NF1: variants seen among roughly 807,000 people sequenced by gnomAD.
NF1 encodes the protein neurofibromin.
NF1 carries 122 observed loss-of-function variants against 325.7 expected under a neutral mutation model. That is an observed-to-expected ratio of 0.37 (90% CI 0.32 to 0.44). The LOEUF is 0.44. NF1 is among the 20% of genes least tolerant of loss of function. The pLI is 1.00. For synonymous variants in NF1, 1,091 were observed against 1,186.0 expected (o/e 0.92, Z 1.65); for missense variants, 2,140 against 3,415.4 (o/e 0.63, Z 9.31).
intron 8 of NF1, among the ~76,000 whole-genome samples, chr17:31,195,602 A>T (rs1228655269): frequency 6.6e-6 from 1 of 152,092 alleles, no homozygotes; most frequent in Non-Finnish European, 1.5e-5. Context: ...ACTACCTCAT[A>T]TAAGTGGACT....
In NF1 at chr17:31,217,697, G is replaced by A. The variant is rs9916081; in HGVS notation, c.1528-1308G>A. 7.7e-3 allele frequency among the ~76,000 whole-genome samples: 1,162 copies of A among 151,638 alleles called. 18 individuals carry two copies. The highest frequency in any genetic ancestry group is 0.027 in the African/African-American group (1,118 of 41,376). ...GGTAGGCATTCGGCAGGGCGTGGTC[G>A]CTCACATCTGTAATCCCAGCATGTT... On this transcript the variant is annotated intron_variant, in intron 13 of 57. Transcript: ENST00000358273.
chr17:31,184,666 A>AAAAAAT (rs1567828020), intron 8 of NF1, among the ~76,000 whole-genome samples: 15 of 140,562 alleles, frequency 1.1e-4, no homozygotes, highest in Admixed American at 1.4e-4. Flanking sequence ...AAAATAAAAA[A>AAAAAAT]AAAAAATAAA....
chr17:31,217,939 CAAAAAA>C (rs56382346), intron 13 of NF1, among the ~76,000 whole-genome samples: 9 of 116,772 alleles, frequency 7.7e-5, no homozygotes, highest in African/African-American at 2.3e-4. Context: ...CACTCCGTTT[CAAAAAA>C]AAAAAAAAAA....
At chr17:31,359,111 A>C in intron 56 of NF1, 96 bp downstream of exon 56, 1 of 1,022,860 alleles carries the variant, frequency 9.8e-7, no homozygotes, top group Non-Finnish European at 1.5e-6. Context: ...GCTGAAAACC[A>C]GAAAAATAAT....
At chr17:31,097,917 T>C (rs1162306401) in intron 1 of NF1, among the ~76,000 whole-genome samples, 4 of 152,066 alleles carry the variant, frequency 2.6e-5, no homozygotes, top group Non-Finnish European at 5.9e-5. Context: ...AGGCTGGTCT[T>C]GAACTCCTGA....
At chr17:31,155,844 G>A (rs1161384056) in intron 1 of NF1, 139 bp from the exon 2 acceptor site, 10 of 899,674 alleles carry the variant, frequency 1.1e-5, no homozygotes, top group Middle Eastern at 3.3e-4. Context: ...ATTGAAAATC[G>A]GAGTTTGAGA....
At chr17:31,230,108 T>G in intron 22 of NF1, 134 bp downstream of exon 22, 1 of 1,403,320 alleles carries the variant, frequency 7.1e-7, no homozygotes, top group Non-Finnish European at 1.0e-6. Flanking sequence ...GACAGTAAGG[T>G]AGCCAGAAGT....
At chr17:31,333,228 G>A (rs2069551916) in intron 39 of NF1, among the ~76,000 whole-genome samples, 1 of 152,210 alleles carries the variant, frequency 6.6e-6, no homozygotes. Context: ...TTTGGAAGTG[G>A]ATAACAAGAC....
chr17:31,244,930 A>G (rs188651206), intron 29 of NF1, among the ~76,000 whole-genome samples: 15 of 152,344 alleles, frequency 9.8e-5, no homozygotes, highest in Admixed American at 8.5e-4. Flanking sequence ...TTGAAAATCA[A>G]CTTGGGAAAA....
At position 31,124,576 on chromosome 17, in the gene NF1, A is replaced by G. The variant is rs535248903; in HGVS notation, c.60+29207A>G. 8.1e-5 allele frequency among the ~76,000 whole-genome samples: 10 copies of G among 124,104 alleles called. No individual in the cohort carries two copies. The East Asian group carries it at 9.0e-4, about 11-fold the overall frequency. The allele number at this position is 124,104 out of a possible 152,430, so 81.4% of individuals were successfully genotyped here. ...TTATAAACAATGCTTCAGGAAGCAT[A>G]TATTTGTATTCTTGAATTTTTTTTT... On this transcript the variant is annotated intron_variant, in intron 1 of 57. Coordinates refer to ENST00000358273, the MANE Select transcript of NF1 (RefSeq NM_001042492.3).
chr17:31,164,571 G>T (rs767380775), intron 4 of NF1, among the ~76,000 whole-genome samples: 2 of 152,198 alleles, frequency 1.3e-5, no homozygotes, highest in African/African-American at 2.4e-5. Context: ...TCTTTGGCTC[G>T]TCAGTGTTGT....
chr17:31,333,457 A>G (rs1317739959), intron 39 of NF1, among the ~76,000 whole-genome samples: 3 of 152,210 alleles, frequency 2.0e-5, no homozygotes, highest in Non-Finnish European at 1.5e-5. Context: ...GACATAGAAC[A>G]TTTCTAGCAT....
intron 1 of NF1, among the ~76,000 whole-genome samples, chr17:31,104,384 C>CGGAA (rs1232845979): frequency 3.3e-5 from 5 of 152,058 alleles, no homozygotes; most frequent in Non-Finnish European, 7.4e-5. Flanking sequence ...CAGGAGGTAT[C>CGGAA]GGAAGGCTCT....
At chr17:31,097,656 C>T (rs1911871100) in intron 1 of NF1, among the ~76,000 whole-genome samples, 1 of 151,802 alleles carries the variant, frequency 6.6e-6, no homozygotes, top group South Asian at 2.1e-4. Flanking sequence ...TTCTGCATTC[C>T]TTATGTTGTA....
chr17:31,217,904 G>A (rs1055314413), intron 13 of NF1, among the ~76,000 whole-genome samples: 1 of 144,692 alleles, frequency 6.9e-6, no homozygotes, highest in Non-Finnish European at 1.5e-5. Flanking sequence ...GGCAGAGGTT[G>A]CAGTGAGCCG....
At chr17:31,262,784 A>AT (rs989952114) in intron 35 of NF1, among the ~76,000 whole-genome samples, 7 of 152,158 alleles carry the variant, frequency 4.6e-5, no homozygotes, top group Non-Finnish European at 7.4e-5. Flanking sequence ...GCTCTACTAG[A>AT]TTTTTTTTAG....
At chr17:31,202,314 A>G (rs2066544481) in intron 11 of NF1, among the ~76,000 whole-genome samples, 1 of 152,346 alleles carries the variant, frequency 6.6e-6, no homozygotes, top group African/African-American at 2.4e-5. Context: ...AATCATTGAT[A>G]ACTTAGTATA....
chr17:31,229,199 A>T lies in NF1; in HGVS notation c.2584A>T (p.Thr862Ser). 1 of 1,612,008 alleles carries T rather than the reference A, an allele frequency of 6.2e-7. No homozygotes were observed. Among genetic ancestry groups the T allele is most frequent in the South Asian group, 1.1e-5 (1 of 90,994 alleles). ...LQQRSNSGLA[T>S]YSPPMGPVSE... ...GCAGAGAAGCAATTCTGGCCTGGCA[A>T]CCTATAGCCCACCCATGGGTCCAGT... The change falls in exon 21 of 58, where the codon ACC becomes TCC. Residue 862 changes from threonine (T) to serine (S), a missense_variant. This residue lies in a region of NF1 where 380 missense variants were observed against 639.3 expected (regional missense o/e 0.59). Transcript: ENST00000358273.
At chr17:31,126,941 A>G (rs536897007) in intron 1 of NF1, among the ~76,000 whole-genome samples, 1 of 152,282 alleles carries the variant, frequency 6.6e-6, no homozygotes, top group African/African-American at 2.4e-5. Context: ...TCACTTTTAC[A>G]TTGAAGTCTC....
Sources: allele counts gnomAD v4.1 joint callset (sites outside exome capture counted in the v4.1 genomes callset), GRCh38; gene constraint gnomAD v4.1.1; regional missense constraint gnomAD v4.1.1; transcripts MANE v1.5; gene names NCBI Gene and HGNC (gene_info 2026-07-23, HGNC 2026-07-21).